GMDS: variants seen among roughly 807,000 people sequenced by gnomAD.
The protein encoded by GMDS is GDP-mannose 4,6-dehydratase.
GMDS carries 20 observed loss-of-function variants against 49.9 expected under a neutral mutation model. The observed-to-expected ratio is 0.40, with a 90% CI of 0.28 to 0.58. GMDS has a LOEUF of 0.58. Among genes scored for constraint, GMDS ranks in the 20% least tolerant of loss-of-function variants. The probability of loss-of-function intolerance (pLI) is 0.42; values close to 1 mark genes in which losing one functional copy is unlikely to be tolerated. For synonymous variants in GMDS, 177 were observed against 178.6 expected (o/e 0.99, Z 0.07); for missense variants, 362 against 481.4 (o/e 0.75, Z 2.32).
intron 7 of GMDS, among the ~76,000 whole-genome samples, chr6:1,743,671 C>T (rs1467823915): frequency 2.6e-5 from 4 of 151,862 alleles, no homozygotes; most frequent in Non-Finnish European, 5.9e-5. Flanking sequence ...CCCCGCTCCC[C>T]GTGGTTAGCT....
rs191969478 is a variant in GMDS at position 2,152,629 on chromosome 6, T to G, written c.103-27898A>C. On this transcript the variant is annotated intron_variant, in intron 1 of 10. Transcript: ENST00000380815. ...AATATTTTTAAATATTGGAAGAAAA[T>G]TCTTGCTCCTGGATTAGAAGATTCA... Among the ~76,000 whole-genome samples, 11 of 152,192 alleles carry G rather than the reference T, an allele frequency of 7.2e-5. No individual in the cohort carries two copies. In the East Asian group the frequency reaches 2.1e-3, roughly 29 times the overall value.
At chr6:1,651,592 G>A (rs916264820) in intron 9 of GMDS, among the ~76,000 whole-genome samples, 3 of 152,214 alleles carry the variant, frequency 2.0e-5, no homozygotes, top group African/African-American at 7.2e-5. Flanking sequence ...GTCCAGGTCT[G>A]AAGCTAGACT....
intron 1 of GMDS, among the ~76,000 whole-genome samples, chr6:2,208,671 T>C (rs1779920203): frequency 1.3e-5 from 2 of 152,094 alleles, no homozygotes; most frequent in South Asian, 2.1e-4. Context: ...GTGGAAGAGC[T>C]CAATGTAGCT....
chr6:1,783,822 C>T (rs1769205667), intron 7 of GMDS, among the ~76,000 whole-genome samples: 1 of 152,166 alleles, frequency 6.6e-6, no homozygotes, highest in South Asian at 2.1e-4. Context: ...AATACACATA[C>T]TAAAAGGCCA....
intron 4 of GMDS, among the ~76,000 whole-genome samples, chr6:1,967,841 T>G (rs1486340839): frequency 6.6e-6 from 1 of 152,216 alleles, no homozygotes; most frequent in African/African-American, 2.4e-5. Context: ...ACCCAAAGAA[T>G]TGTCCACATT....
chr6:2,037,331 C>T (rs1164611904), intron 4 of GMDS, among the ~76,000 whole-genome samples: 7 of 152,284 alleles, frequency 4.6e-5, no homozygotes, highest in Non-Finnish European at 5.9e-5. Flanking sequence ...AAAAACTACA[C>T]GACGTTGTTG....
At chr6:1,872,219 TC>T (rs1758795659) in intron 7 of GMDS, among the ~76,000 whole-genome samples, 1 of 152,204 alleles carries the variant, frequency 6.6e-6, no homozygotes, top group Non-Finnish European at 1.5e-5. Context: ...GCCGAGCACA[TC>T]CACCGGGCTG....
chr6:2,073,461 G>A (rs945807461), intron 4 of GMDS, among the ~76,000 whole-genome samples: 13 of 152,124 alleles, frequency 8.5e-5, no homozygotes, highest in Admixed American at 2.6e-4. Context: ...GGTGTTTGGG[G>A]TATTCATCAC....
intron 1 of GMDS, among the ~76,000 whole-genome samples, chr6:2,151,891 T>C (rs967289788): frequency 1.3e-5 from 2 of 152,146 alleles, no homozygotes; most frequent in African/African-American, 4.8e-5. Context: ...AAATTAGATA[T>C]AACTATTATT....
At chr6:1,863,411 A>G (rs1315103483) in intron 7 of GMDS, among the ~76,000 whole-genome samples, 1 of 152,066 alleles carries the variant, frequency 6.6e-6, no homozygotes, top group African/African-American at 2.4e-5. Context: ...TGGCTGTAAA[A>G]CTCTAAGGTA....
chr6:1,689,676 C>A (rs1394750870), intron 9 of GMDS, among the ~76,000 whole-genome samples: 1 of 152,190 alleles, frequency 6.6e-6, no homozygotes, highest in Non-Finnish European at 1.5e-5. Flanking sequence ...TATTTATCTT[C>A]CCAGGATTTT....
chr6:1,725,496 C>T (rs537777481), intron 9 of GMDS, among the ~76,000 whole-genome samples: 4 of 151,966 alleles, frequency 2.6e-5, no homozygotes, highest in African/African-American at 7.2e-5. Flanking sequence ...CAATGGCGCG[C>T]GATCTCGGCT....
At chr6:1,865,026 C>T (rs1052070972) in intron 7 of GMDS, among the ~76,000 whole-genome samples, 3 of 152,148 alleles carry the variant, frequency 2.0e-5, no homozygotes, top group Non-Finnish European at 4.4e-5. Flanking sequence ...ATTTTTATTG[C>T]CGGAGCTTAG....
intron 6 of GMDS, among the ~76,000 whole-genome samples, chr6:1,936,212 A>G (rs955997455): frequency 6.6e-6 from 1 of 152,220 alleles, no homozygotes; most frequent in Non-Finnish European, 1.5e-5. Flanking sequence ...CACAATCCAC[A>G]CTAAGAATAA....
chr6:1,628,227 G>A (rs1762901221), intron 9 of GMDS, among the ~76,000 whole-genome samples: 1 of 152,184 alleles, frequency 6.6e-6, no homozygotes, highest in Non-Finnish European at 1.5e-5. Context: ...CTGTTTCTGA[G>A]CCCACAGTAG....
At chr6:1,798,652 T>A (rs757022743) in intron 7 of GMDS, among the ~76,000 whole-genome samples, 15 of 152,200 alleles carry the variant, frequency 9.9e-5, no homozygotes, top group Non-Finnish European at 2.1e-4. Flanking sequence ...AAGCCATCCC[T>A]TCTCTTGGCG....
intron 4 of GMDS, among the ~76,000 whole-genome samples, chr6:2,083,730 A>G (rs1481612786): frequency 1.3e-5 from 2 of 152,198 alleles, no homozygotes; most frequent in African/African-American, 4.8e-5. Context: ...TTGAGTCTTA[A>G]TATAACTACA....
intron 9 of GMDS, among the ~76,000 whole-genome samples, chr6:1,645,940 G>A (rs867676770): frequency 2.6e-5 from 4 of 152,192 alleles, no homozygotes; most frequent in African/African-American, 9.7e-5. Context: ...TAGAACATCA[G>A]TGCTGAGTGC....
intron 4 of GMDS, among the ~76,000 whole-genome samples, chr6:1,976,268 G>A (rs990296874): frequency 1.3e-5 from 2 of 152,144 alleles, no homozygotes; most frequent in African/African-American, 2.4e-5. Context: ...AGAACAATGT[G>A]CTTATTCTGC....
Sources: allele counts gnomAD v4.1 joint callset (sites outside exome capture counted in the v4.1 genomes callset), GRCh38; gene constraint gnomAD v4.1.1; transcripts MANE v1.5; gene names NCBI Gene and HGNC (gene_info 2026-07-23, HGNC 2026-07-21).